The following PRKD1 variants were observed in gnomAD, a reference collection of about 807,000 sequenced individuals.
PRKD1 encodes protein kinase D1.
In PRKD1, 63 loss-of-function variants were observed where a neutral mutation model predicts 95.9. The ratio of observed to expected loss-of-function variants is 0.66; its 90% CI spans 0.54 to 0.81. The LOEUF (loss-of-function observed/expected upper bound fraction) is 0.81, where lower values mean the gene tolerates loss of function less well. Ranked by LOEUF, PRKD1 falls within the 30% of genes least tolerant of loss-of-function variation. The pLI is 0.00. For missense variants in PRKD1, 1,048 were observed against 1,165.3 expected, an observed-to-expected ratio of 0.90 and a Z score of 1.47; for synonymous variants, 425 against 423.1, an observed-to-expected ratio of 1.00 and a Z score of -0.05.
intron 4 of PRKD1, among the ~76,000 whole-genome samples, chr14:29,648,774 C>T (rs1490751660): frequency 6.6e-6 from 1 of 152,138 alleles, no homozygotes; most frequent in Non-Finnish European, 1.5e-5. Flanking sequence ...CCTACCTCAG[C>T]CTCCTGAGTA....
intron 11 of PRKD1, among the ~76,000 whole-genome samples, chr14:29,627,341 G>A (rs950236578): frequency 1.3e-5 from 2 of 152,172 alleles, no homozygotes; most frequent in Non-Finnish European, 2.9e-5. Flanking sequence ...GACAGAAGAG[G>A]AGGCTGAATC....
In PRKD1 at chr14:29,725,631, A is replaced by C; in HGVS notation, c.308T>G (p.Leu103Arg). 1.2e-6 allele frequency: 2 copies of C among 1,613,788 alleles called. No homozygotes were observed. Among genetic ancestry groups the C allele is most frequent in the Non-Finnish European group, 1.7e-6 (2 of 1,179,754 alleles). Residue 103 changes from leucine (L) to arginine (R), a missense_variant, in exon 2 of 18, where the codon CTT becomes CGT. By Grantham distance (102) the Leu-to-Arg change is moderately radical (BLOSUM62 -2). This residue lies in a region of PRKD1 where 275 missense variants were observed against 248.6 expected (regional missense o/e 1.11). Coordinates refer to ENST00000331968, the MANE Select transcript of PRKD1 (RefSeq NM_002742.3). ...TTCAGAGGTAGGGTCATGGCGAAAA[A>C]GCAGGATCTTATCATACATTCCGTA... ...GFYGMYDKIL[L>R]FRHDPTSENI...
intron 1 of PRKD1, among the ~76,000 whole-genome samples, chr14:29,833,767 T>C (rs375131996): frequency 6.6e-6 from 1 of 152,102 alleles, no homozygotes; most frequent in South Asian, 2.1e-4. Flanking sequence ...TATCTTCCTA[T>C]ACAATGAAAT....
intron 1 of PRKD1, among the ~76,000 whole-genome samples, chr14:29,743,786 G>T (rs1887090309): frequency 6.6e-6 from 1 of 152,126 alleles, no homozygotes; most frequent in Admixed American, 6.5e-5. Flanking sequence ...CACATTGCCA[G>T]CTTCTATGGG....
intron 13 of PRKD1, among the ~76,000 whole-genome samples, chr14:29,622,661 C>T (rs1024347414): frequency 3.3e-5 from 5 of 152,124 alleles, no homozygotes; most frequent in Non-Finnish European, 7.4e-5. Context: ...CCTCCGCCTA[C>T]CAAAATGCTA....
rs529123909 is a variant in PRKD1 at position 29,734,073 on chromosome 14, AGCTCTGTCACTCAG to A, written c.265-8413_265-8400del. Among the ~76,000 whole-genome samples the A allele has an allele frequency of 2.6e-4, 27 of 105,560 alleles. No homozygotes were observed. In the South Asian group the frequency reaches 7.9e-3, roughly 31 times the overall value. The allele number at this position is 105,560 out of a possible 152,430, so 69.3% of individuals were successfully genotyped here. A position where few individuals can be genotyped will look rare whatever the true frequency, so the allele number is the denominator to read the frequency against. On this transcript the variant is annotated intron_variant, in intron 1 of 17. Coordinates refer to ENST00000331968, the MANE Select transcript of PRKD1 (RefSeq NM_002742.3). Reference sequence around the variant, plus strand: ...TTTTTTTTTTTTTGAGTCGGAGTCTAGCTCTGTCACTCAGGCTGGAGTGCAATGGCGCGATCTTG... The same window carrying A: ...TTTTTTTTTTTTTGAGTCGGAGTCTAGCTGGAGTGCAATGGCGCGATCTTG...
chr14:29,657,718 T>A (rs1881963200), intron 4 of PRKD1: 1 of 152,218 alleles, frequency 6.6e-6, no homozygotes, highest in Admixed American at 6.6e-5. Context: ...ATACAAAAAA[T>A]TAGCCGGGCG....
intron 1 of PRKD1, among the ~76,000 whole-genome samples, chr14:29,847,755 C>T (rs1378572604): frequency 6.6e-6 from 1 of 152,100 alleles, no homozygotes; most frequent in African/African-American, 2.4e-5. Context: ...GATTCCTATG[C>T]TATGTTCTTG....
intron 1 of PRKD1, among the ~76,000 whole-genome samples, chr14:29,770,359 A>G (rs1174501668): frequency 2.0e-5 from 3 of 152,336 alleles, no homozygotes; most frequent in South Asian, 2.1e-4. Context: ...AATGCTAGAA[A>G]AAGTCTACGC....
At chr14:29,731,813 TG>T (rs1276939312) in intron 1 of PRKD1, among the ~76,000 whole-genome samples, 6 of 152,148 alleles carry the variant, frequency 3.9e-5, no homozygotes, top group Non-Finnish European at 8.8e-5. Flanking sequence ...ATAAAGTTGT[TG>T]TACACACGTA....
intron 1 of PRKD1, among the ~76,000 whole-genome samples, chr14:29,918,208 T>C (rs954178383): frequency 6.6e-6 from 1 of 152,122 alleles, no homozygotes; most frequent in Non-Finnish European, 1.5e-5. Flanking sequence ...CAAAACATTA[T>C]ATATCATAGT....
intron 1 of PRKD1, among the ~76,000 whole-genome samples, chr14:29,875,359 T>C (rs1893249665): frequency 6.6e-6 from 1 of 152,180 alleles, no homozygotes; most frequent in African/African-American, 2.4e-5. Context: ...GTAAATTAAA[T>C]TGTGCCTATG....
At chr14:29,869,860 T>C (rs957313457) in intron 1 of PRKD1, among the ~76,000 whole-genome samples, 2 of 152,180 alleles carry the variant, frequency 1.3e-5, no homozygotes, top group African/African-American at 4.8e-5. Flanking sequence ...TATTTTGGCC[T>C]ACAATATTTG....
intron 2 of PRKD1, among the ~76,000 whole-genome samples, chr14:29,709,302 C>T (rs1885232232): frequency 6.6e-6 from 1 of 151,876 alleles, no homozygotes; most frequent in Non-Finnish European, 1.5e-5. Context: ...CATTAAGAAC[C>T]ATACCTACTT....
In PRKD1 at chr14:29,599,015, T is replaced by A. The variant is rs747879167; in HGVS notation, c.2166+12A>T. ...CAACTGGCTTTTTGCTGAGAGAGGC[T>A]TTTATACTTGCCTGAGGAAAAGGAT... On this transcript the variant is annotated intron_variant, in intron 15 of 17. Transcript: ENST00000331968. 3.0e-5 allele frequency: 48 copies of A among 1,605,926 alleles called. 1 individual carries two copies. In the East Asian group the frequency reaches 1.0e-3, roughly 35 times the overall value.
At chr14:29,764,546 G>C (rs547930143) in intron 1 of PRKD1, among the ~76,000 whole-genome samples, 24 of 152,174 alleles carry the variant, frequency 1.6e-4, no homozygotes, top group Non-Finnish European at 3.4e-4. Context: ...GCAGTTTGAT[G>C]TCTGGTAAGG....
At chr14:29,917,968 G>C (rs932928140) in intron 1 of PRKD1, among the ~76,000 whole-genome samples, 1 of 151,928 alleles carries the variant, frequency 6.6e-6, no homozygotes, top group Non-Finnish European at 1.5e-5. Flanking sequence ...TGGGGTACAT[G>C]TACGGTTTTG....
intron 1 of PRKD1, among the ~76,000 whole-genome samples, chr14:29,902,214 A>G (rs28495988): frequency 0.083 from 12,506 of 151,522 alleles, 766 homozygotes; most frequent in African/African-American, 0.17. Flanking sequence ...AGCTAAGATC[A>G]CGCCATTGCA....
intron 12 of PRKD1, among the ~76,000 whole-genome samples, chr14:29,624,728 G>A (rs1245128042): frequency 6.6e-6 from 1 of 151,984 alleles, no homozygotes; most frequent in African/African-American, 2.4e-5. Context: ...TGAATTTTAG[G>A]TTCCTCATCT....
Sources: allele counts gnomAD v4.1 joint callset (sites outside exome capture counted in the v4.1 genomes callset), GRCh38; gene constraint gnomAD v4.1.1; regional missense constraint gnomAD v4.1.1; transcripts MANE v1.5; gene names NCBI Gene and HGNC (gene_info 2026-07-23, HGNC 2026-07-21).